Variants in HK1 observed in about 807,000 individuals in gnomAD.
HK1 encodes hexokinase-1.
Under a neutral mutation model 91.6 loss-of-function variants are expected in HK1, and 28 were observed. That is an observed-to-expected ratio of 0.31 (90% CI 0.23 to 0.42). The LOEUF (loss-of-function observed/expected upper bound fraction) is 0.42. HK1 is among the 10% of genes least tolerant of loss of function. The probability of loss-of-function intolerance (pLI) is 1.00; values close to 1 mark genes in which losing one functional copy is unlikely to be tolerated. For synonymous variants in HK1, 430 were observed against 468.1 expected, an observed-to-expected ratio of 0.92 and a Z score of 1.05; for missense variants, 770 against 1,219.8, an observed-to-expected ratio of 0.63 and a Z score of 5.49.
chr10:69,325,108 G>A (rs1180148418), intron 1 of HK1, among the ~76,000 whole-genome samples: 1 of 140,342 alleles, frequency 7.1e-6, no homozygotes. Flanking sequence ...CTGGAGTGCA[G>A]TGGCACGATC....
chr10:69,283,323 G>A (rs867509197), intron 2 of HK1, among the ~76,000 whole-genome samples: 2 of 149,054 alleles, frequency 1.3e-5, no homozygotes, highest in Admixed American at 6.7e-5. Flanking sequence ...ACGTGGTGGT[G>A]CATGCCTGTG....
At chr10:69,308,879 G>T (rs1438842782) in intron 5 of HK1, among the ~76,000 whole-genome samples, 1 of 152,202 alleles carries the variant, frequency 6.6e-6, no homozygotes, top group Non-Finnish European at 1.5e-5. Flanking sequence ...TCTGACAGGA[G>T]ACAGAGCTGA....
At chr10:69,291,094 C>A (rs1394748771) in intron 3 of HK1, among the ~76,000 whole-genome samples, 1 of 152,252 alleles carries the variant, frequency 6.6e-6, no homozygotes, top group Non-Finnish European at 1.5e-5. Flanking sequence ...CCTCTCATGG[C>A]CCCCTTCTTG....
intron 17 of HK1, among the ~76,000 whole-genome samples, chr10:69,400,055 G>A (rs1840318099): frequency 1.3e-5 from 2 of 152,150 alleles, no homozygotes; most frequent in South Asian, 4.1e-4. Flanking sequence ...ACATACTCTT[G>A]GATTTAACCC....
intron 1 of HK1, among the ~76,000 whole-genome samples, chr10:69,322,968 C>G (rs1232132708): frequency 1.3e-5 from 2 of 149,572 alleles, no homozygotes; most frequent in African/African-American, 4.9e-5. Context: ...AAAAATCTGG[C>G]TGGGCACAGT....
At chr10:69,335,353 G>C (rs1462562492) in intron 1 of HK1, among the ~76,000 whole-genome samples, 1 of 152,214 alleles carries the variant, frequency 6.6e-6, no homozygotes, top group Non-Finnish European at 1.5e-5. Flanking sequence ...TTGTGGCTCT[G>C]ATCCCAGCTG....
intron 2 of HK1, among the ~76,000 whole-genome samples, chr10:69,358,581 G>A (rs943654324): frequency 1.2e-4 from 19 of 152,230 alleles, no homozygotes; most frequent in African/African-American, 4.6e-4. Flanking sequence ...AAGGAATGAG[G>A]CTGGGCACGG....
intron 2 of HK1, among the ~76,000 whole-genome samples, chr10:69,287,213 C>T (rs910582214): frequency 2.6e-5 from 4 of 152,048 alleles, no homozygotes; most frequent in African/African-American, 4.8e-5. Context: ...GTAATCATGG[C>T]GGGAAGGCAA....
upstream of HK1, among the ~76,000 whole-genome samples, chr10:69,318,674 C>T (rs762976267): frequency 5.9e-5 from 9 of 152,254 alleles, no homozygotes; most frequent in Non-Finnish European, 8.8e-5. Flanking sequence ...GTCCCCGCTC[C>T]CCGGCCGGGA....
upstream of HK1, among the ~76,000 whole-genome samples, chr10:69,318,664 G>A (rs1408247764): frequency 6.6e-6 from 1 of 152,130 alleles, no homozygotes; most frequent in African/African-American, 2.4e-5. Context: ...CGGCCGCCGC[G>A]TCCCCGCTCC....
intron 2 of HK1, among the ~76,000 whole-genome samples, chr10:69,344,487 A>C (rs369501241): frequency 6.6e-6 from 1 of 152,238 alleles, no homozygotes; most frequent in African/African-American, 2.4e-5. Flanking sequence ...TTAAAGGCAG[A>C]GATTCCAGAC....
upstream of HK1, among the ~76,000 whole-genome samples, chr10:69,311,417 T>C (rs906043110): frequency 6.6e-6 from 1 of 152,164 alleles, no homozygotes; most frequent in Non-Finnish European, 1.5e-5. Context: ...TTGAGGACTT[T>C]TTCCTGGCCC....
chr10:69,300,084 G>A lies in HK1; in HGVS notation c.-66-685G>A, dbSNP rs1014702926. On this transcript the variant is annotated intron_variant, in intron 4 of 21. Coordinates refer to the HK1 transcript ENST00000360289. ...CAAAGTGCTTGGATTACAGATGTGA[G>A]CCACCATGCCCGGCTGTTTAAGAAG... 7.9e-5 allele frequency among the ~76,000 whole-genome samples: 12 copies of A among 151,736 alleles called. 1 individual carries two copies. Among genetic ancestry groups the A allele is most frequent in the African/African-American group, 2.9e-4 (12 of 41,038 alleles).
chr10:69,346,236 T>A (rs1848552942), intron 2 of HK1, among the ~76,000 whole-genome samples: 1 of 152,204 alleles, frequency 6.6e-6, no homozygotes, highest in Non-Finnish European at 1.5e-5. Context: ...CTGCTTCAAC[T>A]GTAGTAATTA....
chr10:69,374,280 T>TA (rs1160505736), intron 7 of HK1, among the ~76,000 whole-genome samples: 1 of 152,116 alleles, frequency 6.6e-6, no homozygotes, highest in East Asian at 1.9e-4. Flanking sequence ...GGTGTGCAGG[T>TA]CCTTGCCCAT....
intron 14 of HK1, among the ~76,000 whole-genome samples, chr10:69,391,514 G>A (rs1839895050): frequency 2.0e-5 from 3 of 152,204 alleles, no homozygotes; most frequent in Admixed American, 6.5e-5. Context: ...CATGATGGTG[G>A]TGCCTGTAGT....
At chr10:69,292,667 T>C (rs927976214) in intron 3 of HK1, among the ~76,000 whole-genome samples, 1 of 152,182 alleles carries the variant, frequency 6.6e-6, no homozygotes, top group African/African-American at 2.4e-5. Flanking sequence ...GGAGGCACTT[T>C]ACAGGTTGTT....
intron 2 of HK1, among the ~76,000 whole-genome samples, chr10:69,351,007 A>G (rs1447189419): frequency 1.4e-5 from 1 of 73,100 alleles, no homozygotes. Flanking sequence ...CGTCTCTACT[A>G]AAAAAAAAAA....
intron 1 of HK1, among the ~76,000 whole-genome samples, chr10:69,333,301 C>T (rs1847823564): frequency 1.3e-5 from 2 of 152,204 alleles, no homozygotes; most frequent in African/African-American, 4.8e-5. Flanking sequence ...TGTCTGCACT[C>T]AGATCCTTTT....
Sources: allele counts gnomAD v4.1 joint callset (sites outside exome capture counted in the v4.1 genomes callset), GRCh38; gene constraint gnomAD v4.1.1; transcripts MANE v1.5; gene names NCBI Gene and HGNC (gene_info 2026-07-23, HGNC 2026-07-21).